The following RMST variants were observed in gnomAD, a reference collection of about 807,000 sequenced individuals.
The protein encoded by RMST is long intergenic non-protein coding RNA 54.
In RMST at chr12:97,488,535, G is replaced by C. The variant is rs894322452; in HGVS notation, n.645-3926G>C. Among the ~76,000 whole-genome samples the C allele has an allele frequency of 2.6e-5, 4 of 152,266 alleles. No homozygotes were observed. The South Asian group carries it at 6.2e-4, about 24-fold the overall frequency. ...GGTCTCTGAGGTACTGGGAAATGAGGCAAAAGTGTCTCTCTTCACTGCTAG... is the reference window on the plus strand; with the variant it reads ...GGTCTCTGAGGTACTGGGAAATGAGCCAAAAGTGTCTCTCTTCACTGCTAG... On this transcript the variant is annotated intron_variant and non_coding_transcript_variant, in intron 5 of 13. Transcript: ENST00000640149.
rs182864053 is a variant in RMST, at chr12:97,552,888, T to G, written n.1546-7649T>G. On this transcript the variant is annotated intron_variant and non_coding_transcript_variant, in intron 11 of 13. Transcript: ENST00000640149. ...TGGAAGAAAGGTCTCCTCAAAGGAG[T>G]CCTGACAAGCAAACTAGGCTCTCCT... Among the ~76,000 whole-genome samples the G allele has an allele frequency of 3.2e-3, 489 of 152,096 alleles. 5 individuals are homozygous for G. The highest frequency in any genetic ancestry group is 0.011 in the African/African-American group (451 of 41,472).
intron 5 of RMST, among the ~76,000 whole-genome samples, chr12:97,477,763 T>TG (rs746217371): frequency 1.8e-4 from 27 of 152,344 alleles, no homozygotes; most frequent in Non-Finnish European, 3.1e-4. Context: ...TTCTTTGCAC[T>TG]GTGATTTATT....
chr12:97,522,242 A>G lies in RMST; in HGVS notation n.1341-8413A>G, dbSNP rs563668487. ...CATTTAAAAGATGTTAAATTGCTCC[A>G]TGTGCATTTCCTTGTATTCATCAAT... On this transcript the variant is annotated intron_variant and non_coding_transcript_variant, in intron 10 of 13. Coordinates refer to ENST00000640149, the Ensembl canonical transcript of RMST. Among the ~76,000 whole-genome samples, 4 of 152,346 alleles carry G rather than the reference A, an allele frequency of 2.6e-5. No individual in the cohort carries two copies. In the East Asian group the frequency reaches 7.7e-4, roughly 29 times the overall value.
chr12:97,534,952 GTAC>G (rs1881952845), intron 11 of RMST, among the ~76,000 whole-genome samples: 1 of 151,644 alleles, frequency 6.6e-6, no homozygotes, highest in Non-Finnish European at 1.5e-5. Flanking sequence ...TAGAGTAGAT[GTAC>G]TATAAGCGAT....
At chr12:97,484,045 G>C in intron 5 of RMST, among the ~76,000 whole-genome samples, 1 of 152,156 alleles carries the variant, frequency 6.6e-6, no homozygotes, top group Admixed American at 6.5e-5. Flanking sequence ...TAATTAAGGA[G>C]ATGGAAACAG....
chr12:97,486,276 C>T (rs1294208399), intron 5 of RMST, among the ~76,000 whole-genome samples: 3 of 152,140 alleles, frequency 2.0e-5, no homozygotes. Context: ...TTGATAATCA[C>T]CTCTGGCTTT....
intron 5 of RMST, chr12:97,491,807 C>A: frequency 2.3e-6 from 1 of 426,868 alleles, no homozygotes. Context: ...CGTGTCATGG[C>A]TTTTTTGTCG....
At chr12:97,532,323 G>T (rs1881703937) in intron 11 of RMST, among the ~76,000 whole-genome samples, 1 of 151,884 alleles carries the variant, frequency 6.6e-6, no homozygotes, top group African/African-American at 2.4e-5. Context: ...TCAAATGAAT[G>T]AATCAATGAA....
chr12:97,503,760 T>C (rs1179249618), intron 10 of RMST, among the ~76,000 whole-genome samples: 1 of 152,172 alleles, frequency 6.6e-6, no homozygotes, highest in Non-Finnish European at 1.5e-5. Flanking sequence ...GTGGAAAAAG[T>C]CCATCTCAGA....
chr12:97,562,752 A>G (rs1004799127), intron 13 of RMST, among the ~76,000 whole-genome samples: 3 of 152,166 alleles, frequency 2.0e-5, no homozygotes, highest in Non-Finnish European at 4.4e-5. Context: ...GAATTTATGT[A>G]TGCACTTCCT....
At chr12:97,514,330 TG>T (rs1365873163) in intron 10 of RMST, among the ~76,000 whole-genome samples, 1 of 152,240 alleles carries the variant, frequency 6.6e-6, no homozygotes. Context: ...TCTCTGTACC[TG>T]GAAAATTCTA....
At chr12:97,504,402 TC>T (rs67669229) in intron 10 of RMST, among the ~76,000 whole-genome samples, 78,287 of 125,096 alleles carry the variant, frequency 0.63, 23,366 homozygotes, top group Non-Finnish European at 0.69. Flanking sequence ...AGACTTCATT[TC>T]AAAAAAAAAA....
chr12:97,498,402 C>G (rs914878558), intron 10 of RMST, among the ~76,000 whole-genome samples: 1 of 152,096 alleles, frequency 6.6e-6, no homozygotes, highest in Non-Finnish European at 1.5e-5. Context: ...CGCTTCTTCA[C>G]CTACAAAATG....
chr12:97,555,129 T>TC (rs1249616695), intron 11 of RMST, among the ~76,000 whole-genome samples: 12 of 152,082 alleles, frequency 7.9e-5, no homozygotes, highest in Non-Finnish European at 1.3e-4. Flanking sequence ...TAATTGCATG[T>TC]CCCCCCCAAA....
intron 10 of RMST, among the ~76,000 whole-genome samples, chr12:97,527,652 A>T (rs1366952000): frequency 6.7e-6 from 1 of 149,320 alleles, no homozygotes; most frequent in African/African-American, 2.5e-5. Flanking sequence ...GCAGCCATAA[A>T]AAAGGCAAAA....
chr12:97,474,869 G>A (rs1874359639), intron 5 of RMST, among the ~76,000 whole-genome samples: 1 of 151,992 alleles, frequency 6.6e-6, no homozygotes, highest in East Asian at 1.9e-4. Flanking sequence ...TTGAGAGTAG[G>A]CATACTCACT....
intron 10 of RMST, among the ~76,000 whole-genome samples, chr12:97,520,103 TTGTC>T (rs1458743200): frequency 4.6e-5 from 7 of 152,230 alleles, no homozygotes; most frequent in South Asian, 2.1e-4. Context: ...AATTTATTGT[TTGTC>T]TGGACTGACA....
intron 11 of RMST, among the ~76,000 whole-genome samples, chr12:97,534,619 G>T (rs1881921154): frequency 6.6e-6 from 1 of 151,648 alleles, no homozygotes; most frequent in Admixed American, 6.6e-5. Context: ...ATTATACTTT[G>T]CTAAATCCCA....
intron 10 of RMST, among the ~76,000 whole-genome samples, chr12:97,519,021 T>C (rs1018338031): frequency 6.6e-6 from 1 of 152,180 alleles, no homozygotes; most frequent in African/African-American, 2.4e-5. Flanking sequence ...CAAGCTATTG[T>C]CCTGCCTTGG....
Sources: allele counts gnomAD v4.1 joint callset (sites outside exome capture counted in the v4.1 genomes callset), GRCh38; gene constraint gnomAD v4.1.1; transcripts MANE v1.5; gene names NCBI Gene and HGNC (gene_info 2026-07-23, HGNC 2026-07-21).